The following CRKL variants were observed in gnomAD, a reference collection of about 807,000 sequenced individuals.
The protein encoded by CRKL is crk-like protein.
In CRKL, 3 loss-of-function variants were observed where a neutral mutation model predicts 23.0. That is an observed-to-expected ratio of 0.13 (90% CI 0.06 to 0.34). The LOEUF is 0.34. Ranked by LOEUF, CRKL falls within the 10% of genes least tolerant of loss-of-function variation. CRKL has a pLI of 1.00. For missense variants in CRKL, 256 were observed against 394.5 expected, an observed-to-expected ratio of 0.65 and a Z score of 2.97; for synonymous variants, 188 against 160.7, an observed-to-expected ratio of 1.17 and a Z score of -1.28.
At chr22:20,928,156 CA>C (rs905308216) in intron 1 of CRKL, among the ~76,000 whole-genome samples, 3 of 150,652 alleles carry the variant, frequency 2.0e-5, no homozygotes, top group African/African-American at 4.9e-5. Flanking sequence ...GACTCTGTCT[CA>C]AAAAAAAAGT....
chr22:20,950,392 T>G lies in CRKL; in HGVS notation c.*547T>G. The stretch of plus-strand genomic sequence containing the variant: ...TAATTAATTAGACTTGTGTGGGGGT[T>G]TTTTTTTGTTTTGTTTTGTTTGTTT... On this transcript the variant is annotated 3_prime_UTR_variant, in exon 3 of 3. Transcript: ENST00000354336. The G allele has an allele frequency of 8.6e-6, 2 of 232,832 alleles. No homozygotes were observed. Among genetic ancestry groups the G allele is most frequent in the East Asian group, 1.2e-4 (2 of 16,576 alleles). 14.4% of individuals were successfully genotyped at this position (232,832 alleles called of 1,614,324 possible). A position where few individuals can be genotyped will look rare whatever the true frequency, so the allele number is the denominator to read the frequency against.
intron 2 of CRKL, among the ~76,000 whole-genome samples, chr22:20,939,036 A>G (rs1384185950): frequency 1.3e-5 from 2 of 152,128 alleles, no homozygotes; most frequent in African/African-American, 2.4e-5. Flanking sequence ...ATTTAGTTCA[A>G]TCATTTTCCC....
chr22:20,924,936 T>A (rs1921140577), intron 1 of CRKL, among the ~76,000 whole-genome samples: 1 of 152,132 alleles, frequency 6.6e-6, no homozygotes, highest in African/African-American at 2.4e-5. Flanking sequence ...ACGCCTGTAA[T>A]CCCAGCACTG....
chr22:20,933,280 G>A (rs1336927969), intron 1 of CRKL, among the ~76,000 whole-genome samples: 3 of 151,732 alleles, frequency 2.0e-5, no homozygotes, highest in Admixed American at 6.6e-5. Context: ...TGAGGCAGGA[G>A]AATTGCTTGA....
Position 20,950,023 on chromosome 22 carries a change from A to G in CRKL, c.*178A>G, listed in dbSNP as rs1922207542. On this transcript the variant is annotated 3_prime_UTR_variant, in exon 3 of 3. Coordinates refer to ENST00000354336, the MANE Select transcript of CRKL (RefSeq NM_005207.4). ...ACAGCGGCTGCCTCCTGATGTTTGT[A>G]TCATAGTCGTATTGTCAAAGAGTAG... is the stretch of plus-strand genomic sequence containing the variant. 1 of 753,256 alleles carries G rather than the reference A, an allele frequency of 1.3e-6. No homozygotes were observed. The highest frequency in any genetic ancestry group is 2.0e-6 in the Non-Finnish European group (1 of 488,896). The allele number at this position is 753,256 out of a possible 1,614,324, so 46.7% of individuals were successfully genotyped here. A position where few individuals can be genotyped will look rare whatever the true frequency, so the allele number is the denominator to read the frequency against.
intron 1 of CRKL, among the ~76,000 whole-genome samples, chr22:20,928,283 A>G (rs541014024): frequency 6.6e-6 from 1 of 151,506 alleles, no homozygotes; most frequent in Admixed American, 6.6e-5. Context: ...ATAAACCCCC[A>G]TCTCTGCAAA....
chr22:20,949,572 A>G (rs1355004155), intron 2 of CRKL, 139 bp from the exon 3 acceptor site: 1 of 1,178,470 alleles, frequency 8.5e-7, no homozygotes, highest in Non-Finnish European at 1.2e-6. Flanking sequence ...ACTACACTCC[A>G]GCATGGCTAA....
At chr22:20,948,709 C>T (rs967890086) in intron 2 of CRKL, among the ~76,000 whole-genome samples, 12 of 152,020 alleles carry the variant, frequency 7.9e-5, no homozygotes, top group African/African-American at 2.7e-4. Context: ...TGCGTTGCGC[C>T]GGCTGGTCTC....
At chr22:20,920,529 G>C (rs1920980676) in intron 1 of CRKL, among the ~76,000 whole-genome samples, 1 of 151,682 alleles carries the variant, frequency 6.6e-6, no homozygotes, top group Non-Finnish European at 1.5e-5. Flanking sequence ...TTAATGACTT[G>C]AGTCTCCTTC....
At chr22:20,927,111 C>CAAAAAAAAAAA (rs371278201) in intron 1 of CRKL, among the ~76,000 whole-genome samples, 505 of 48,510 alleles carry the variant, frequency 0.01, 26 homozygotes, top group African/African-American at 0.014. Flanking sequence ...GACTCCGTCT[C>CAAAAAAAAAAA]AAAAAAAAAA....
chr22:20,930,147 T>C (rs1921386069), intron 1 of CRKL, among the ~76,000 whole-genome samples: 1 of 152,102 alleles, frequency 6.6e-6, no homozygotes, highest in Admixed American at 6.6e-5. Flanking sequence ...AAACTATCTT[T>C]ATCAAATTTC....
intron 1 of CRKL, among the ~76,000 whole-genome samples, chr22:20,931,574 A>G (rs1311808876): frequency 6.6e-6 from 1 of 152,160 alleles, no homozygotes; most frequent in Non-Finnish European, 1.5e-5. Context: ...CCTAAGGCTG[A>G]TTAGCTCATT....
chr22:20,920,728 C>CT (rs1464060769), intron 1 of CRKL, among the ~76,000 whole-genome samples: 1 of 151,856 alleles, frequency 6.6e-6, no homozygotes, highest in Admixed American at 6.6e-5. Flanking sequence ...TTACTCATAC[C>CT]TTTGTACCTT....
In CRKL at chr22:20,934,081, A is replaced by G. The variant is rs976691655; in HGVS notation, c.614A>G (p.His205Arg). 2 of 1,614,192 alleles carry G rather than the reference A, an allele frequency of 1.2e-6. No individual in the cohort carries two copies. Among genetic ancestry groups the G allele is most frequent in the Non-Finnish European group, 8.5e-7 (1 of 1,180,034 alleles). ...SNSYGIPEPA[H>R]AYAQPQTTTP... is the part of the protein sequence containing the mutation. ...AGTTATGGGATCCCAGAACCTGCTC[A>G]TGCATACGCTCAACCTCAGACCACA... is the stretch of plus-strand genomic sequence containing the variant. Residue 205 changes from histidine to arginine, a missense_variant, in exon 2 of 3, where the codon CAT becomes CGT. Transcript: ENST00000354336.
In CRKL at chr22:20,949,839, C is replaced by T. The variant is rs148356038; in HGVS notation, c.906C>T (p.Asn302=). The T allele has an allele frequency of 7.5e-6, 12 of 1,606,862 alleles. No individual in the cohort carries two copies. The highest frequency in any genetic ancestry group is 2.2e-5 in the East Asian group (1 of 44,498). The change falls in exon 3 of 3, where the codon AAC becomes AAT. Residue 302 remains asparagine (N), a synonymous_variant. Transcript: ENST00000354336. ...KIFDPQNPDE[N]E The stretch of plus-strand genomic sequence containing the variant: ...TTGACCCTCAAAACCCAGATGAAAA[C>T]GAGTGATTGCTGTTGCCCTGTTTCC...
At chr22:20,924,863 G>T (rs562178466) in intron 1 of CRKL, among the ~76,000 whole-genome samples, 1 of 151,366 alleles carries the variant, frequency 6.6e-6, no homozygotes, top group Non-Finnish European at 1.5e-5. Context: ...CAAGAACACT[G>T]TCATGCTGAG....
At chr22:20,925,671 C>T (rs969515338) in intron 1 of CRKL, among the ~76,000 whole-genome samples, 1 of 152,198 alleles carries the variant, frequency 6.6e-6, no homozygotes, top group Non-Finnish European at 1.5e-5. Flanking sequence ...CATAGCAACT[C>T]ACCTGGAATG....
At chr22:20,941,914 A>G (rs1042182763) in intron 2 of CRKL, among the ~76,000 whole-genome samples, 1 of 152,122 alleles carries the variant, frequency 6.6e-6, no homozygotes, top group African/African-American at 2.4e-5. Context: ...TCAGAATGCC[A>G]TGGAATTGGG....
chr22:20,919,675 C>T (rs1920969969), intron 1 of CRKL, among the ~76,000 whole-genome samples: 1 of 151,988 alleles, frequency 6.6e-6, no homozygotes, highest in South Asian at 2.1e-4. Context: ...CTGGCCAGTT[C>T]GTTTCTTAAA....
Sources: gnomAD v4.1 joint callset for allele counts (sites outside exome capture counted in the v4.1 genomes callset) on GRCh38, gnomAD v4.1.1 for gene constraint, MANE v1.5 for transcripts, NCBI Gene and HGNC (gene_info 2026-07-23, HGNC 2026-07-21) for gene names.